Variants in SMCHD1 observed in about 807,000 individuals in gnomAD.
The protein encoded by SMCHD1 is structural maintenance of chromosomes flexible hinge domain containing 1, also known as structural maintenance of chromosomes flexible hinge domain-containing protein 1.
In SMCHD1, 78 loss-of-function variants were observed where a neutral mutation model predicts 254.7. That is an observed-to-expected ratio of 0.31 (90% CI 0.26 to 0.37). SMCHD1 has a LOEUF of 0.37. Ranked by LOEUF, SMCHD1 falls within the 10% of genes least tolerant of loss-of-function variation. The pLI, the probability that SMCHD1 is intolerant of heterozygous loss-of-function variation, is 1.00. For synonymous variants in SMCHD1, 766 were observed against 794.9 expected, an observed-to-expected ratio of 0.96 and a Z score of 0.61; for missense variants, 1,840 against 2,408.1, an observed-to-expected ratio of 0.76 and a Z score of 4.94.
intron 19 of SMCHD1, among the ~76,000 whole-genome samples, chr18:2,721,949 G>A (rs1213059567): frequency 6.6e-6 from 1 of 152,140 alleles, no homozygotes; most frequent in Non-Finnish European, 1.5e-5. Flanking sequence ...CCTAGAATTT[G>A]CATTTCTAAT....
At chr18:2,712,949 A>T (rs2074714383) in intron 17 of SMCHD1, among the ~76,000 whole-genome samples, 1 of 152,110 alleles carries the variant, frequency 6.6e-6, no homozygotes, top group African/African-American at 2.4e-5. Context: ...CTCTAACCAC[A>T]ACTGTTTTCT....
In SMCHD1 at chr18:2,743,789, G is replaced by A; in HGVS notation, c.3662G>A (p.Gly1221Asp). 1.2e-6 allele frequency: 2 copies of A among 1,612,782 alleles called. No individual in the cohort carries two copies. Among genetic ancestry groups the A allele is most frequent in the Middle Eastern group, 1.7e-4 (1 of 6,056 alleles). The part of the protein sequence containing the change: ...QENTQSISVR[G>D]IKFIPGPPGN... ...AACACACAGAGTATAAGTGTAAGAG[G>A]CATCAAATTTATTCCAGGTCCTCCT... Residue 1221 changes from glycine to aspartate, a missense_variant, in exon 29 of 48, where the codon GGC (glycine) becomes GAC (aspartate). Coordinates refer to ENST00000320876, the MANE Select transcript of SMCHD1 (RefSeq NM_015295.3).
chr18:2,727,360 A>C (rs2075046000), intron 22 of SMCHD1, among the ~76,000 whole-genome samples: 1 of 152,128 alleles, frequency 6.6e-6, no homozygotes, highest in African/African-American at 2.4e-5. Flanking sequence ...TTGCTTTCAC[A>C]AATTGAAGTT....
Position 2,769,997 on chromosome 18 carries a change from A to C in SMCHD1, c.4855A>C (p.Lys1619Gln). ...TCAATTTTTTTTCTTAGATGTTAAG[A>C]AGCAGCAACAAATGGCAGCACTTAC... ...LPFMFYNDVK[K>Q]QQQMAALTKE... The change falls in exon 39 of 48, where the codon AAG (lysine) becomes CAG (glutamine). Residue 1619 changes from lysine to glutamine, a missense_variant. Physicochemically the swap from Lys to Gln is moderately conservative, Grantham distance 53. Coordinates refer to ENST00000320876, the MANE Select transcript of SMCHD1 (RefSeq NM_015295.3). The C allele has an allele frequency of 6.3e-7, 1 of 1,585,670 alleles. No homozygotes were observed. Among genetic ancestry groups the C allele is most frequent in the Non-Finnish European group, 8.5e-7 (1 of 1,172,164 alleles).
At position 2,763,678 on chromosome 18, in the gene SMCHD1, T is replaced by A. The variant is rs2075822938; in HGVS notation, c.4608T>A (p.Thr1536=). 6.2e-7 allele frequency: 1 copy of A among 1,600,380 alleles called. No homozygotes were observed. Among genetic ancestry groups the A allele is most frequent in the African/African-American group, 1.4e-5 (1 of 73,742 alleles). ...DNHTGIDLVG[T]IIATIKGSNE... ...ATACTGGAATTGATTTGGTTGGCAC[T>A]ATAATAGCCACCATTAAAGGCTCTA... The change falls in exon 37 of 48, where the codon ACT becomes ACA. Residue 1536 remains threonine, a synonymous_variant. Coordinates refer to ENST00000320876, the MANE Select transcript of SMCHD1 (RefSeq NM_015295.3).
At chr18:2,702,712 A>G (rs1555633948) in intron 12 of SMCHD1, among the ~76,000 whole-genome samples, 1 of 152,216 alleles carries the variant, frequency 6.6e-6, no homozygotes, top group Non-Finnish European at 1.5e-5. Context: ...TTTTTCATTC[A>G]TATAACTTTA....
Position 2,795,987 on chromosome 18 carries a change from G to C in SMCHD1, c.5758G>C (p.Asp1920His), listed in dbSNP as rs1322208200. The change falls in exon 46 of 48, where the codon GAC becomes CAC. Residue 1920 changes from aspartate (D) to histidine (H), a missense_variant. Coordinates refer to ENST00000320876, the MANE Select transcript of SMCHD1 (RefSeq NM_015295.3). ...QQYRSAVCKLDSVNKDLNSQL... is the reference protein window; with the variant it reads ...QQYRSAVCKLHSVNKDLNSQL... ...GTATCGTTCTGCTGTGTGCAAACTA[G>C]ACAGTGTGAATAAGGATCTTAACAG... 13 of 1,598,044 alleles carry C rather than the reference G, an allele frequency of 8.1e-6. No individual in the cohort carries two copies. Among genetic ancestry groups the C allele is most frequent in the Non-Finnish European group, 1.0e-5 (12 of 1,172,022 alleles).
rs2075754437 is a variant in SMCHD1 at position 2,759,740 on chromosome 18, T to C, written c.4347-912T>C. 1.3e-5 allele frequency among the ~76,000 whole-genome samples: 2 copies of C among 151,852 alleles called. 1 individual carries two copies. The highest frequency in any genetic ancestry group is 4.2e-4 in the South Asian group (2 of 4,808). On this transcript the variant is annotated intron_variant, in intron 34 of 47. Transcript: ENST00000320876. ...GCACACCACCATGCCTGGCTCATTT[T>C]TATATTAATAGTAGAGATGGGGTTT... is the stretch of plus-strand genomic sequence containing the variant.
chr18:2,743,722 G>T (rs1185354280), intron 28 of SMCHD1, 39 bp from the exon 29 acceptor site: 1 of 1,490,528 alleles, frequency 6.7e-7, no homozygotes, highest in Non-Finnish European at 9.1e-7. Context: ...AACACTAAGT[G>T]ATACCCCCTG....
chr18:2,661,076 G>T (rs2073237167), intron 1 of SMCHD1, among the ~76,000 whole-genome samples: 1 of 152,130 alleles, frequency 6.6e-6, no homozygotes, highest in Non-Finnish European at 1.5e-5. Context: ...ACTAACACAG[G>T]AACAGAAAAC....
intron 47 of SMCHD1, among the ~76,000 whole-genome samples, chr18:2,801,827 C>T (rs2076367884): frequency 1.3e-5 from 2 of 152,024 alleles, no homozygotes; most frequent in Admixed American, 1.3e-4. Flanking sequence ...TTATAAAGTA[C>T]ATCTGGATTT....
intron 44 of SMCHD1, among the ~76,000 whole-genome samples, chr18:2,780,981 T>C (rs1323205081): frequency 1.3e-5 from 2 of 152,226 alleles, no homozygotes; most frequent in Non-Finnish European, 2.9e-5. Flanking sequence ...TAAGTGGAAG[T>C]GGGAACCTGG....
intron 17 of SMCHD1, among the ~76,000 whole-genome samples, chr18:2,714,935 A>G (rs2074764068): frequency 6.6e-6 from 1 of 152,192 alleles, no homozygotes; most frequent in Admixed American, 6.5e-5. Context: ...GCCAGTCTCT[A>G]CTAGCTTATA....
At chr18:2,679,538 T>C (rs1361474186) in intron 5 of SMCHD1, among the ~76,000 whole-genome samples, 1 of 149,570 alleles carries the variant, frequency 6.7e-6, no homozygotes, top group African/African-American at 2.4e-5. Context: ...TTCAACACTT[T>C]GAATATGTTC....
intron 46 of SMCHD1, 70 bp downstream of exon 46, chr18:2,796,177 C>G (rs1046267162): frequency 7.7e-7 from 1 of 1,297,930 alleles, no homozygotes; most frequent in Non-Finnish European, 1.0e-6. Context: ...GAGAGAGAAT[C>G]CAACCGTAAG....
At chr18:2,708,902 AT>A (rs1568198809) in intron 17 of SMCHD1, among the ~76,000 whole-genome samples, 6,166 of 68,130 alleles carry the variant, frequency 0.091, 1,194 homozygotes, top group Non-Finnish European at 0.11. Context: ...ATATATATAT[AT>A]ATATAACATA....
intron 40 of SMCHD1, 69 bp downstream of exon 40, chr18:2,771,687 GT>G: frequency 1.6e-6 from 2 of 1,220,216 alleles, no homozygotes; most frequent in African/African-American, 1.6e-5. Context: ...CAATTATTCA[GT>G]TTTTATTAGG....
chr18:2,693,354 T>C (rs1250855875), intron 7 of SMCHD1, among the ~76,000 whole-genome samples: 2 of 152,226 alleles, frequency 1.3e-5, no homozygotes, highest in East Asian at 1.9e-4. Flanking sequence ...AGTGTACTTA[T>C]ACAAACTTAG....
chr18:2,664,336 G>C (rs1310337033), intron 1 of SMCHD1, among the ~76,000 whole-genome samples: 3 of 151,098 alleles, frequency 2.0e-5, no homozygotes, highest in African/African-American at 7.4e-5. Context: ...ATCAGGATCT[G>C]ACATAGTCCT....
Sources: gnomAD v4.1 joint callset for allele counts (sites outside exome capture counted in the v4.1 genomes callset) on GRCh38, gnomAD v4.1.1 for gene constraint, MANE v1.5 for transcripts, NCBI Gene and HGNC (gene_info 2026-07-23, HGNC 2026-07-21) for gene names.